ANAPC10: variants seen among roughly 807,000 people sequenced by gnomAD.
The protein encoded by ANAPC10 is anaphase-promoting complex subunit 10.
Under a neutral mutation model 22.0 loss-of-function variants are expected in ANAPC10, and 12 were observed. That is an observed-to-expected ratio of 0.55 (90% CI 0.35 to 0.88). The LOEUF is 0.88. Ranked by LOEUF, ANAPC10 falls within the 40% of genes least tolerant of loss-of-function variation. ANAPC10 has a pLI of 0.01. For missense variants in ANAPC10, 188 were observed against 220.9 expected (o/e 0.85, Z 0.94); for synonymous variants, 65 against 69.5 (o/e 0.94, Z 0.32).
At chr4:145,039,486 T>A (rs1158553455) in intron 4 of ANAPC10, among the ~76,000 whole-genome samples, 1 of 152,210 alleles carries the variant, frequency 6.6e-6, no homozygotes, top group Non-Finnish European at 1.5e-5. Flanking sequence ...TATGAGATAA[T>A]AATAAATAAC....
chr4:145,034,011 T>C (rs781337227), intron 4 of ANAPC10, among the ~76,000 whole-genome samples: 1 of 152,236 alleles, frequency 6.6e-6, no homozygotes, highest in East Asian at 1.9e-4. Context: ...TGGGGATTGA[T>C]GCATTTCTGG....
intron 4 of ANAPC10, among the ~76,000 whole-genome samples, chr4:145,060,782 G>A (rs917741550): frequency 6.6e-6 from 1 of 151,836 alleles, no homozygotes; most frequent in African/African-American, 2.4e-5. Flanking sequence ...TGAGTCAGAA[G>A]CAGCAAAGTT....
intron 4 of ANAPC10, among the ~76,000 whole-genome samples, chr4:145,006,362 T>G (rs1036638664): frequency 1.3e-5 from 2 of 152,104 alleles, no homozygotes; most frequent in African/African-American, 4.8e-5. Flanking sequence ...GGCAGATCCC[T>G]TTACCTTCAG....
chr4:145,057,923 T>A (rs534771802), intron 4 of ANAPC10, among the ~76,000 whole-genome samples: 1 of 152,124 alleles, frequency 6.6e-6, no homozygotes, highest in African/African-American at 2.4e-5. Context: ...CCAACTGCCA[T>A]AGCCTTAATT....
chr4:145,044,746 T>C (rs986348246), intron 4 of ANAPC10, among the ~76,000 whole-genome samples: 2 of 152,046 alleles, frequency 1.3e-5, no homozygotes. Flanking sequence ...CTCAGAAACA[T>C]GACAATACTG....
intron 3 of ANAPC10, among the ~76,000 whole-genome samples, chr4:145,065,085 T>C (rs1248178429): frequency 6.6e-6 from 1 of 151,992 alleles, no homozygotes; most frequent in Non-Finnish European, 1.5e-5. Context: ...CTTCATTTCC[T>C]ATATTAAATA....
intron 4 of ANAPC10, among the ~76,000 whole-genome samples, chr4:145,058,539 T>G (rs559642238): frequency 3.3e-5 from 5 of 152,258 alleles, no homozygotes; most frequent in African/African-American, 1.2e-4. Flanking sequence ...CTTTATTGTA[T>G]CCCCAGTATC....
Position 144,995,450 on chromosome 4 carries a change from G to A in ANAPC10, c.481C>T (p.Pro161Ser). ...TTACCAATGGAGCTCTCTTCTACTG[G>A]TGTGTATATTTTAATTTGTCTCATA... ...THMRQIKIYT[P>S]VEESSIGKFP... is the part of the protein sequence containing the mutation. The change falls in exon 5 of 5, where the codon CCA becomes TCA. Residue 161 changes from proline (P) to serine (S), a missense_variant. Coordinates refer to ENST00000507656, the MANE Select transcript of ANAPC10 (RefSeq NM_001256706.2). 1 of 1,613,560 alleles carries A rather than the reference G, an allele frequency of 6.2e-7. No individual in the cohort carries two copies. Among genetic ancestry groups the A allele is most frequent in the Non-Finnish European group, 8.5e-7 (1 of 1,179,678 alleles).
chr4:145,080,794 T>A (rs1412581746), intron 3 of ANAPC10, among the ~76,000 whole-genome samples: 1 of 151,036 alleles, frequency 6.6e-6, no homozygotes, highest in African/African-American at 2.4e-5. Flanking sequence ...GTAATCCCAG[T>A]TACTCGGAAG....
chr4:145,097,261 GAAGAT>G (rs1748700424), intron 1 of ANAPC10: 2 of 354,750 alleles, frequency 5.6e-6, no homozygotes, highest in Non-Finnish European at 1.1e-5. Flanking sequence ...TCTTACCATA[GAAGAT>G]AAGGTCAGGA....
At chr4:145,077,188 G>T (rs551711721) in intron 3 of ANAPC10, among the ~76,000 whole-genome samples, 1 of 152,126 alleles carries the variant, frequency 6.6e-6, no homozygotes, top group East Asian at 1.9e-4. Context: ...GACAGAGCAA[G>T]ACTCTGTCTC....
At chr4:145,059,359 C>A (rs1742537335) in intron 4 of ANAPC10, among the ~76,000 whole-genome samples, 1 of 152,088 alleles carries the variant, frequency 6.6e-6, no homozygotes, top group Non-Finnish European at 1.5e-5. Context: ...CGAAAGGCCA[C>A]ATGAAACCAT....
At chr4:145,083,635 T>C (rs926323081) in intron 2 of ANAPC10, among the ~76,000 whole-genome samples, 1 of 152,204 alleles carries the variant, frequency 6.6e-6, no homozygotes, top group African/African-American at 2.4e-5. Flanking sequence ...ACTTTAAATA[T>C]ATATCTAATG....
intron 3 of ANAPC10, among the ~76,000 whole-genome samples, chr4:145,066,849 AT>A (rs1743773336): frequency 6.6e-6 from 1 of 152,098 alleles, no homozygotes; most frequent in African/African-American, 2.4e-5. Flanking sequence ...AACAGTTGAA[AT>A]TAAAAAATGT....
intron 2 of ANAPC10, among the ~76,000 whole-genome samples, chr4:145,089,318 C>A (rs1747333590): frequency 6.6e-6 from 1 of 151,960 alleles, no homozygotes; most frequent in African/African-American, 2.4e-5. Context: ...CAAAAAAAAA[C>A]AGGGAACAAA....
At chr4:145,045,162 T>C (rs1179980226) in intron 4 of ANAPC10, among the ~76,000 whole-genome samples, 3 of 152,068 alleles carry the variant, frequency 2.0e-5, no homozygotes, top group Non-Finnish European at 4.4e-5. Context: ...ATATTATTTA[T>C]TTTTTTAAAA....
intron 4 of ANAPC10, among the ~76,000 whole-genome samples, chr4:145,055,868 C>T (rs888770864): frequency 3.9e-5 from 6 of 152,140 alleles, no homozygotes; most frequent in Non-Finnish European, 7.4e-5. Flanking sequence ...TGTAGCACTA[C>T]TGAACTAACT....
intron 4 of ANAPC10, among the ~76,000 whole-genome samples, chr4:145,042,998 G>A (rs1739742048): frequency 6.6e-6 from 1 of 151,158 alleles, no homozygotes; most frequent in South Asian, 2.1e-4. Flanking sequence ...TAGCGAAGAA[G>A]CACAAAAGAG....
intron 4 of ANAPC10, among the ~76,000 whole-genome samples, chr4:145,015,619 C>A (rs148058486): frequency 6.6e-6 from 1 of 152,256 alleles, no homozygotes; most frequent in East Asian, 1.9e-4. Flanking sequence ...AAAAGATCAT[C>A]ACCTAGGCAC....
Sources: gnomAD v4.1 joint callset for allele counts (sites outside exome capture counted in the v4.1 genomes callset) on GRCh38, gnomAD v4.1.1 for gene constraint, MANE v1.5 for transcripts, NCBI Gene and HGNC (gene_info 2026-07-23, HGNC 2026-07-21) for gene names.